Variants in TRABD observed in about 807,000 individuals in gnomAD.
TRABD encodes traB domain-containing protein.
TRABD carries 23 observed loss-of-function variants against 39.6 expected under a neutral mutation model. The observed-to-expected ratio is 0.58, with a 90% CI of 0.42 to 0.82. The LOEUF is 0.82. Among genes scored for constraint, TRABD ranks in the 40% least tolerant of loss-of-function variants. TRABD has a pLI of 0.00. For synonymous variants in TRABD, 243 were observed against 232.1 expected (o/e 1.05, Z -0.43); for missense variants, 487 against 544.9 (o/e 0.89, Z 1.06).
chr22:50,193,782 GA>G, intron 3 of TRABD, 128 bp downstream of exon 3: 1 of 873,862 alleles, frequency 1.1e-6, no homozygotes, highest in Non-Finnish European at 1.8e-6. Context: ...GCCGAGACCT[GA>G]GGTAGGTGCT....
intron 7 of TRABD, 26 bp from the exon 8 acceptor site, chr22:50,197,797 G>T: frequency 7.8e-7 from 1 of 1,285,966 alleles, no homozygotes. Context: ...CCATCCCTGC[G>T]GGGCTGCAGC....
At position 50,199,202 on chromosome 22, in the gene TRABD, C is replaced by G; in HGVS notation, c.*683C>G. 1.4e-6 allele frequency: 1 copy of G among 703,954 alleles called. No homozygotes were observed. The highest frequency in any genetic ancestry group is 2.6e-6 in the Non-Finnish European group (1 of 377,616). The allele number at this position is 703,954 out of a possible 1,614,324, so 43.6% of individuals were successfully genotyped here. ...TGTTCTTGGGTCTGTCCCGAGTGGG[C>G]TCGCGTGCAGCCAAACATCAGCTCT... On this transcript the variant is annotated 3_prime_UTR_variant, in exon 10 of 10. Coordinates refer to ENST00000380909, the MANE Select transcript of TRABD (RefSeq NM_001320485.2).
intron 1 of TRABD, among the ~76,000 whole-genome samples, chr22:50,187,372 A>T (rs967731494): frequency 1.3e-5 from 2 of 152,212 alleles, no homozygotes; most frequent in African/African-American, 4.8e-5. Flanking sequence ...CTGTGGCCAA[A>T]GGTGCCAGGC....
intron 5 of TRABD, 51 bp from the exon 6 acceptor site, chr22:50,197,190 C>A: frequency 1.3e-6 from 2 of 1,549,316 alleles, no homozygotes; most frequent in Non-Finnish European, 8.9e-7. Flanking sequence ...ATTCCCCCAG[C>A]GCACCCCCGC....
At chr22:50,197,780 C>A in intron 7 of TRABD, 43 bp from the exon 8 acceptor site, 2 of 1,561,528 alleles carry the variant, frequency 1.3e-6, no homozygotes, top group Non-Finnish European at 1.8e-6. Context: ...CCCCCCCAGC[C>A]CGTTGCCCAT....
intron 1 of TRABD, 138 bp downstream of exon 1, chr22:50,186,114 C>CG (rs539598476): frequency 0.32 from 6,529 of 20,594 alleles, 647 homozygotes; most frequent in African/African-American, 0.39. Flanking sequence ...GGGCCGGGGG[C>CG]GGGGGGGGTC....
chr22:50,191,271 G>A (rs1259135227), intron 1 of TRABD, among the ~76,000 whole-genome samples: 1 of 152,132 alleles, frequency 6.6e-6, no homozygotes, highest in Non-Finnish European at 1.5e-5. Context: ...CTCTTCCCCT[G>A]CTCAGAGCCG....
intron 1 of TRABD, among the ~76,000 whole-genome samples, chr22:50,186,472 C>A (rs904771568): frequency 6.6e-6 from 1 of 152,078 alleles, no homozygotes; most frequent in East Asian, 1.9e-4. Context: ...AGGGCTGGGG[C>A]GGGGAGGGTC....
At chr22:50,197,032 G>C (rs2064137060) in intron 5 of TRABD, 1 of 573,232 alleles carries the variant, frequency 1.7e-6, no homozygotes, top group Non-Finnish European at 3.1e-6. Flanking sequence ...CTACCTTTGA[G>C]AAGTGCCTGT....
chr22:50,198,176 G>T lies in TRABD; in HGVS notation c.946G>T (p.Glu316Ter). ...CTGGAGCACCGACCTCAACATCCAG[G>T]AGATCATGACGTGAGTGCCCGCCCC... ...KNWSTDLNIQEIMTVPPPSVS... is the reference protein window; with the variant it reads ...KNWSTDLNIQ The change falls in exon 9 of 10, where the codon GAG becomes TAG. Residue 316 changes from glutamate (E) to a stop codon, truncating the protein, a stop_gained. Coordinates refer to ENST00000380909, the MANE Select transcript of TRABD (RefSeq NM_001320485.2). LOFTEE classifies it high-confidence loss of function. This position sits in a 1 kb window ranked among gnomAD's most constrained non-coding sequence, Gnocchi z 7.9. 1 of 1,610,840 alleles carries T rather than the reference G, an allele frequency of 6.2e-7. No individual in the cohort carries two copies. Among genetic ancestry groups the T allele is most frequent in the Non-Finnish European group, 8.5e-7 (1 of 1,178,972 alleles).
At chr22:50,193,731 C>T (rs2063991756) in intron 3 of TRABD, 77 bp downstream of exon 3, 4 of 1,410,824 alleles carry the variant, frequency 2.8e-6, no homozygotes, top group African/African-American at 1.4e-5. Context: ...GGCAGCCAAC[C>T]ACTGCCAGGG....
chr22:50,196,463 C>T, intron 5 of TRABD, among the ~76,000 whole-genome samples: 1 of 152,234 alleles, frequency 6.6e-6, no homozygotes. Context: ...GCATCATCTC[C>T]TTCACACGTG....
chr22:50,192,908 G>T, intron 1 of TRABD, 119 bp from the exon 2 acceptor site: 1 of 935,964 alleles, frequency 1.1e-6, no homozygotes, highest in Non-Finnish European at 1.6e-6. Flanking sequence ...GGGATATGGG[G>T]GAAGGAGCCC....
intron 3 of TRABD, 72 bp from the exon 4 acceptor site, chr22:50,194,268 C>T: frequency 1.3e-6 from 2 of 1,558,536 alleles, no homozygotes; most frequent in Non-Finnish European, 1.7e-6. Flanking sequence ...TTCTAGAGCC[C>T]AGGCTGCCAG....
At chr22:50,193,976 T>TG (rs562630734) in intron 3 of TRABD, among the ~76,000 whole-genome samples, 3 of 152,306 alleles carry the variant, frequency 2.0e-5, no homozygotes, top group East Asian at 1.9e-4. Context: ...CTGAGTGGGG[T>TG]GGGGGGGCCC....
In TRABD at chr22:50,195,031, C is replaced by T. The variant is rs368632189; in HGVS notation, c.411C>T (p.Ala137=). The T allele has an allele frequency of 5.0e-6, 8 of 1,596,776 alleles. No individual in the cohort carries two copies. The highest frequency in any genetic ancestry group is 1.3e-5 in the African/African-American group (1 of 74,718). The change falls in exon 5 of 10, where the codon GCC becomes GCT. Residue 137 remains alanine (A), a synonymous_variant. Coordinates refer to ENST00000380909, the MANE Select transcript of TRABD (RefSeq NM_001320485.2). ...TCAGCCTGGAGAAGCTGCAGCAGGC[C>T]GTGAGGCAGGTGCGCAGCCGCGGGC... ...QELSLEKLQQ[A]VRQNGLMSGL...
In TRABD at chr22:50,198,486, C is replaced by T; in HGVS notation, c.1098C>T (p.Cys366=). The change falls in exon 10 of 10, where the codon TGC becomes TGT. Residue 366 remains cysteine, a synonymous_variant. Transcript: ENST00000380909. This position sits in a 1 kb window ranked among gnomAD's most constrained non-coding sequence, Gnocchi z 7.9. ...LVLSLPAAQY[C]LQRVTEARHK is the part of the protein sequence containing the mutation. ...TGTCGCTGCCCGCCGCGCAGTACTG[C>T]CTGCAGAGGGTGACCGAGGCCCGGC... 6.3e-7 allele frequency: 1 copy of T among 1,588,492 alleles called. No individual in the cohort carries two copies. Among genetic ancestry groups the T allele is most frequent in the Non-Finnish European group, 8.5e-7 (1 of 1,173,196 alleles).
chr22:50,191,231 G>A (rs2063898674), intron 1 of TRABD, among the ~76,000 whole-genome samples: 1 of 152,172 alleles, frequency 6.6e-6, no homozygotes, highest in Non-Finnish European at 1.5e-5. Flanking sequence ...GCCAGCTTCA[G>A]ATGGGGCCTC....
chr22:50,198,918 G>T lies in TRABD; in HGVS notation c.*399G>T. 1.7e-6 allele frequency: 1 copy of T among 585,466 alleles called. No homozygotes were observed. Among genetic ancestry groups the T allele is most frequent in the Non-Finnish European group, 3.1e-6 (1 of 321,752 alleles). 36.3% of individuals were successfully genotyped at this position (585,466 alleles called of 1,614,324 possible). The stretch of plus-strand genomic sequence containing the variant: ...CTGTGCTCCGGCCACAGGAGCGTCG[G>T]CCCAGGGGCGGCTCCTGGGGGCTCC... On this transcript the variant is annotated 3_prime_UTR_variant, in exon 10 of 10. Transcript: ENST00000380909. This position sits in a 1 kb window ranked among gnomAD's most constrained non-coding sequence, Gnocchi z 7.9.
Sources: allele counts gnomAD v4.1 joint callset (sites outside exome capture counted in the v4.1 genomes callset), GRCh38; gene constraint gnomAD v4.1.1; non-coding constraint Gnocchi (gnomAD v3.1); transcripts MANE v1.5; gene names NCBI Gene and HGNC (gene_info 2026-07-23, HGNC 2026-07-21).